DOCK4: variants seen among roughly 807,000 people sequenced by gnomAD.
DOCK4 encodes dedicator of cytokinesis 4, also known as dedicator of cytokinesis protein 4.
Under a neutral mutation model 268.1 loss-of-function variants are expected in DOCK4, and 97 were observed. The ratio of observed to expected loss-of-function variants is 0.36; its 90% confidence interval spans 0.31 to 0.43. The LOEUF is 0.43. DOCK4 is among the 20% of genes least tolerant of loss of function. The probability of loss-of-function intolerance (pLI) is 1.00; values close to 1 mark genes in which losing one functional copy is unlikely to be tolerated. For synonymous variants in DOCK4, 954 were observed against 887.2 expected, an observed-to-expected ratio of 1.08 and a Z score of -1.34; for missense variants, 2,145 against 2,455.7, an observed-to-expected ratio of 0.87 and a Z score of 2.67.
At chr7:112,012,841 T>C (rs1187470031) in intron 1 of DOCK4, among the ~76,000 whole-genome samples, 1 of 152,196 alleles carries the variant, frequency 6.6e-6, no homozygotes, top group Non-Finnish European at 1.5e-5. Flanking sequence ...CCTTTTTTTT[T>C]CTGATTTCTC....
In DOCK4 at chr7:111,895,865, A is replaced by G; in HGVS notation, c.1481-147T>C. On this transcript the variant is annotated intron_variant, in intron 15 of 52. Coordinates refer to ENST00000428084, the MANE Select transcript of DOCK4 (RefSeq NM_001363540.2). ...ACAGCTTTTCTGATAGGCCATCTAT[A>G]TAGAGCAGCCACCCTCTAATCCCCT... is the stretch of plus-strand genomic sequence containing the variant. 1.2e-5 allele frequency: 8 copies of G among 676,722 alleles called. No individual in the cohort carries two copies. In the South Asian group the frequency reaches 1.5e-4, roughly 13 times the overall value. The allele number at this position is 676,722 out of a possible 1,614,324, so 41.9% of individuals were successfully genotyped here. A position where few individuals can be genotyped will look rare whatever the true frequency, so the allele number is the denominator to read the frequency against.
intron 8 of DOCK4, among the ~76,000 whole-genome samples, chr7:111,960,498 T>TA (rs1279104294): frequency 6.7e-6 from 1 of 148,266 alleles, no homozygotes; most frequent in African/African-American, 2.5e-5. Flanking sequence ...TACCATGAGG[T>TA]AAAACACGTG....
At chr7:112,028,829 G>A (rs762809815) in intron 1 of DOCK4, among the ~76,000 whole-genome samples, 2 of 152,146 alleles carry the variant, frequency 1.3e-5, no homozygotes, top group African/African-American at 2.4e-5. Flanking sequence ...CTCTCTCAGC[G>A]TTAGACAACA....
chr7:111,978,465 C>T (rs748677863), intron 7 of DOCK4, among the ~76,000 whole-genome samples: 1 of 152,156 alleles, frequency 6.6e-6, no homozygotes, highest in Non-Finnish European at 1.5e-5. Context: ...CTCCTGGACT[C>T]AAGTGATCCT....
At chr7:111,802,894 C>T (rs1177780832) in intron 30 of DOCK4, among the ~76,000 whole-genome samples, 1 of 152,152 alleles carries the variant, frequency 6.6e-6, no homozygotes, top group East Asian at 1.9e-4. Flanking sequence ...TACTTTAAAG[C>T]AGGCCTGAGA....
intron 1 of DOCK4, among the ~76,000 whole-genome samples, chr7:112,007,472 C>T (rs1461351990): frequency 6.6e-6 from 1 of 152,150 alleles, no homozygotes. Context: ...GAATATTTTT[C>T]AGGCTATAGT....
chr7:111,956,824 C>A lies in DOCK4; in HGVS notation c.702-11026G>T, dbSNP rs1394272699. On this transcript the variant is annotated intron_variant, in intron 8 of 52. Transcript: ENST00000428084. ...CTGTCTCCTAGGTGCATGCCCTTAACCTTGGCAAAATAAACTAAATTGACT... is the reference window on the plus strand; with the variant it reads ...CTGTCTCCTAGGTGCATGCCCTTAAACTTGGCAAAATAAACTAAATTGACT... Among the ~76,000 whole-genome samples the A allele has an allele frequency of 2.0e-5, 3 of 152,248 alleles. No individual in the cohort carries two copies. The East Asian group carries it at 5.8e-4, about 29-fold the overall frequency.
At chr7:112,135,711 C>T (rs1326139213) in intron 1 of DOCK4, among the ~76,000 whole-genome samples, 1 of 143,422 alleles carries the variant, frequency 7.0e-6, no homozygotes, top group Non-Finnish European at 1.5e-5. Context: ...AAAAAGGTAA[C>T]CAATAGCTTT....
At chr7:111,976,119 T>C (rs1798133434) in intron 8 of DOCK4, among the ~76,000 whole-genome samples, 1 of 110,732 alleles carries the variant, frequency 9.0e-6, no homozygotes, top group South Asian at 3.0e-4. Flanking sequence ...CCAGCCTGGG[T>C]GACAGAGCAA....
In DOCK4 at chr7:111,982,224, C is replaced by G. The variant is rs115580660; in HGVS notation, c.549+2082G>C. Among the ~76,000 whole-genome samples the G allele has an allele frequency of 6.8e-3, 1,037 of 152,244 alleles. 12 individuals are homozygous for G. Among genetic ancestry groups the G allele is most frequent in the African/African-American group, 0.024 (1,004 of 41,554 alleles). On this transcript the variant is annotated intron_variant, in intron 7 of 52. Coordinates refer to ENST00000428084, the MANE Select transcript of DOCK4 (RefSeq NM_001363540.2). Reference sequence around the variant, plus strand: ...TTAAAGGTGTTCTTGGTGATGGAAGCCATGTTCAATGTAGCAGAAAGATAA... The same window carrying G: ...TTAAAGGTGTTCTTGGTGATGGAAGGCATGTTCAATGTAGCAGAAAGATAA...
At chr7:111,989,292 G>A (rs905910555) in intron 5 of DOCK4, 129 bp from the exon 6 acceptor site, 38 of 1,228,190 alleles carry the variant, frequency 3.1e-5, no homozygotes, top group East Asian at 2.9e-4. Context: ...ACAGATGTCC[G>A]TGAACAGACA....
intron 43 of DOCK4, among the ~76,000 whole-genome samples, chr7:111,746,652 G>C (rs1274801560): frequency 1.3e-5 from 2 of 152,062 alleles, no homozygotes; most frequent in African/African-American, 4.8e-5. Context: ...TAAAGAACAA[G>C]CCCAAATCAG....
chr7:112,158,938 T>C (rs1001711304), intron 1 of DOCK4, among the ~76,000 whole-genome samples: 1 of 152,168 alleles, frequency 6.6e-6, no homozygotes, highest in Non-Finnish European at 1.5e-5. Context: ...TCAGCCCAGC[T>C]TCATCTAAGT....
chr7:112,064,595 G>A (rs1395164479), intron 1 of DOCK4, among the ~76,000 whole-genome samples: 1 of 152,144 alleles, frequency 6.6e-6, no homozygotes, highest in Non-Finnish European at 1.5e-5. Context: ...TGGGAAACAG[G>A]GATTTGCCTT....
At chr7:112,053,369 C>G (rs1188696034) in intron 1 of DOCK4, among the ~76,000 whole-genome samples, 1 of 152,188 alleles carries the variant, frequency 6.6e-6, no homozygotes, top group Non-Finnish European at 1.5e-5. Flanking sequence ...TTGCCTGTCT[C>G]ATTTTTGTGA....
intron 13 of DOCK4, among the ~76,000 whole-genome samples, chr7:111,906,995 C>T (rs151059946): frequency 1.3e-5 from 2 of 152,226 alleles, no homozygotes; most frequent in African/African-American, 4.8e-5. Context: ...GAAACTAATA[C>T]AATGTGACTT....
At position 112,094,812 on chromosome 7, in the gene DOCK4, T is replaced by C. The variant is rs566669553; in HGVS notation, c.38-90681A>G. On this transcript the variant is annotated intron_variant, in intron 1 of 52. Transcript: ENST00000428084. ...TCATGGCTTGGTGCTGTTCTCATGA[T>C]AGATATGGTCGTTTAAAAATGTATG... Among the ~76,000 whole-genome samples, 13 of 152,238 alleles carry C rather than the reference T, an allele frequency of 8.5e-5. No individual in the cohort carries two copies. In the South Asian group the frequency reaches 2.1e-3, roughly 24 times the overall value.
intron 23 of DOCK4, among the ~76,000 whole-genome samples, chr7:111,857,141 T>A (rs1181240553): frequency 6.6e-6 from 1 of 152,194 alleles, no homozygotes; most frequent in African/African-American, 2.4e-5. Context: ...TAGGCACTCA[T>A]CAACTGTAGT....
intron 5 of DOCK4, among the ~76,000 whole-genome samples, chr7:111,991,472 AC>A (rs1799517904): frequency 6.6e-6 from 1 of 152,234 alleles, no homozygotes; most frequent in Non-Finnish European, 1.5e-5. Context: ...TTGGAATAAA[AC>A]AATATCAAGA....
Sources: gnomAD v4.1 joint callset for allele counts (sites outside exome capture counted in the v4.1 genomes callset) on GRCh38, gnomAD v4.1.1 for gene constraint, MANE v1.5 for transcripts, NCBI Gene and HGNC (gene_info 2026-07-23, HGNC 2026-07-21) for gene names.